The following KRABD3 variants were observed in gnomAD, a reference collection of about 807,000 sequenced individuals.
The protein encoded by KRABD3 is KRAB domain containing 3, also known as KRAB domain-containing protein 3.
the KRABD3 span, among the ~76,000 whole-genome samples, chr7:149,718,513 C>CTTTTTTTTTT: frequency 4.9e-5 from 4 of 81,968 alleles, 1 homozygote; most frequent in Non-Finnish European, 9.0e-5. Flanking sequence ...CACTGAAGGA[C>CTTTTTTTTTT]TTTTTTTTTT....
chr7:149,729,830 C>T, the KRABD3 span: 1 of 985,302 alleles, frequency 1.0e-6, no homozygotes, highest in Non-Finnish European at 1.2e-6. Flanking sequence ...AGGGATGGCA[C>T]CTGCCTGGTG....
chr7:149,722,700 G>T, the KRABD3 span: 3 of 1,513,610 alleles, frequency 2.0e-6, no homozygotes, highest in South Asian at 1.3e-5. Context: ...AATCTCAGCC[G>T]CCCGGAGACC....
At chr7:149,718,715 A>G in the KRABD3 span, among the ~76,000 whole-genome samples, 2 of 152,046 alleles carry the variant, frequency 1.3e-5, no homozygotes, top group Non-Finnish European at 2.9e-5. Context: ...AGGTTTCACC[A>G]TATTGGCCAG....
chr7:149,722,809 C>G, the KRABD3 span: 1 of 1,609,592 alleles, frequency 6.2e-7, no homozygotes, highest in Non-Finnish European at 8.5e-7. Flanking sequence ...CAGCCCCTTG[C>G]AAGGCCTCAT....
At chr7:149,728,754 A>T in the KRABD3 span, 2 of 1,464,700 alleles carry the variant, frequency 1.4e-6, no homozygotes, top group South Asian at 2.5e-5. Flanking sequence ...GTGGGCTCAG[A>T]TCTGCTCCTG....
chr7:149,718,723 C>T, the KRABD3 span, among the ~76,000 whole-genome samples: 4 of 152,238 alleles, frequency 2.6e-5, no homozygotes, highest in South Asian at 8.3e-4. Context: ...CCATATTGGC[C>T]AGCCTGGTCT....
At chr7:149,723,066 T>TGTTGCCAGTC in the KRABD3 span, 51 of 931,428 alleles carry the variant, frequency 5.5e-5, 1 homozygote, top group Non-Finnish European at 7.6e-5. Context: ...GCTTGGTCGC[T>TGTTGCCAGTC]GCTGTGTTGC....
the KRABD3 span, among the ~76,000 whole-genome samples, chr7:149,725,087 A>G: frequency 1.3e-5 from 2 of 152,254 alleles, no homozygotes; most frequent in South Asian, 2.1e-4. Flanking sequence ...CCCTGCTGAC[A>G]TGTGGCCCTC....
At chr7:149,715,417 G>A in the KRABD3 span, 6 of 1,010,624 alleles carry the variant, frequency 5.9e-6, no homozygotes, top group African/African-American at 5.1e-5. Flanking sequence ...CGTGGAAATG[G>A]GGAGAAACAA....
At chr7:149,726,265 G>T in the KRABD3 span, among the ~76,000 whole-genome samples, 1 of 152,166 alleles carries the variant, frequency 6.6e-6, no homozygotes, top group African/African-American at 2.4e-5. Context: ...TTAGTGACTT[G>T]TCTTAGAAGG....
the KRABD3 span, chr7:149,728,774 G>C: frequency 7.4e-7 from 1 of 1,352,074 alleles, no homozygotes; most frequent in Non-Finnish European, 1.0e-6. Context: ...GAGCCAACAT[G>C]GTGCTCTGGA....
At chr7:149,719,235 A>AATG in the KRABD3 span, among the ~76,000 whole-genome samples, 16 of 152,182 alleles carry the variant, frequency 1.1e-4, no homozygotes, top group East Asian at 1.4e-3. This position sits in a 1 kb window ranked among gnomAD's most constrained non-coding sequence, Gnocchi z 5.6. Context: ...TCTGATAAGG[A>AATG]ATGAGTCATA....
At chr7:149,729,377 T>A in the KRABD3 span, 130 of 1,462,694 alleles carry the variant, frequency 8.9e-5, 1 homozygote, top group South Asian at 1.8e-3. Flanking sequence ...GAGGGTGAGC[T>A]GGCACCTGCC....
chr7:149,717,439 A>G, the KRABD3 span, among the ~76,000 whole-genome samples: 1 of 152,234 alleles, frequency 6.6e-6, no homozygotes, highest in Non-Finnish European at 1.5e-5. Context: ...ATAGACCCTG[A>G]TGTTGGCTAC....
chr7:149,719,873 A>G, the KRABD3 span: 23 of 1,254,572 alleles, frequency 1.8e-5, 1 homozygote, highest in South Asian at 3.4e-4. This position sits in a 1 kb window ranked among gnomAD's most constrained non-coding sequence, Gnocchi z 5.6. Flanking sequence ...TGAGGTTCCG[A>G]CCACTCTGCG....
chr7:149,723,827 C>T, the KRABD3 span: 2 of 1,613,828 alleles, frequency 1.2e-6, no homozygotes, highest in Non-Finnish European at 1.7e-6. Context: ...CATCCCAGTC[C>T]CTCAGGAGTG....
chr7:149,715,007 A>G, the KRABD3 span: 2 of 1,220,762 alleles, frequency 1.6e-6, no homozygotes, highest in Non-Finnish European at 2.0e-6. Flanking sequence ...CGCCCGCGCC[A>G]GGGCCCGCGC....
the KRABD3 span, chr7:149,720,169 C>T: frequency 1.1e-4 from 178 of 1,548,262 alleles, no homozygotes; most frequent in Middle Eastern, 1.7e-4. Context: ...TCCCACTCAT[C>T]GGTCCTCAGC....
At chr7:149,730,236 G>T in the KRABD3 span, 1 of 1,565,478 alleles carries the variant, frequency 6.4e-7, no homozygotes, top group African/African-American at 1.4e-5. Flanking sequence ...CGCCTGCGTG[G>T]GAGGCCCCAG....
Sources: gnomAD v4.1 joint callset for allele counts (sites outside exome capture counted in the v4.1 genomes callset) on GRCh38, gnomAD v4.1.1 for gene constraint, Gnocchi (gnomAD v3.1) non-coding constraint, MANE v1.5 for transcripts, NCBI Gene and HGNC (gene_info 2026-07-23, HGNC 2026-07-21) for gene names.